RGS22: variants seen among roughly 807,000 people sequenced by gnomAD.
The protein encoded by RGS22 is regulator of G protein signaling 22, also known as regulator of G-protein signaling 22.
A neutral mutation model predicts 172.9 loss-of-function variants in RGS22; 148 were observed. That is an observed-to-expected ratio of 0.86 (90% CI 0.75 to 0.98). The LOEUF is 0.98. Among genes scored for constraint, RGS22 ranks in the 50% least tolerant of loss-of-function variants. The probability of loss-of-function intolerance (pLI) is 0.00; values close to 1 mark genes in which losing one functional copy is unlikely to be tolerated. For synonymous variants in RGS22, 458 were observed against 480.2 expected (o/e 0.95, Z 0.60); for missense variants, 1,347 against 1,440.8 (o/e 0.93, Z 1.05).
intron 15 of RGS22, 55 bp from the exon 16 acceptor site, chr8:100,006,164 A>C: frequency 1.4e-6 from 2 of 1,400,570 alleles, no homozygotes; most frequent in Non-Finnish European, 2.0e-6. Context: ...TTTGCTAGTA[A>C]CAGTGGGCTG....
intron 9 of RGS22, among the ~76,000 whole-genome samples, chr8:100,061,934 T>C (rs1810168037): frequency 6.6e-6 from 1 of 152,184 alleles, no homozygotes; most frequent in African/African-American, 2.4e-5. Context: ...AAAGAAAATG[T>C]GGTACATATA....
chr8:100,071,602 C>T, intron 5 of RGS22, 65 bp from the exon 6 acceptor site: 1 of 1,399,294 alleles, frequency 7.1e-7, no homozygotes, highest in Non-Finnish European at 9.7e-7. Flanking sequence ...AGGGAAAAAA[C>T]CTAAAATTTT....
At chr8:100,089,444 C>A (rs776834719) in intron 3 of RGS22, among the ~76,000 whole-genome samples, 8 of 152,082 alleles carry the variant, frequency 5.3e-5, no homozygotes, top group Non-Finnish European at 1.5e-5. Context: ...TCAATCAAAT[C>A]ATAAAATATT....
chr8:100,102,433 C>T (rs1399552144), intron 2 of RGS22, among the ~76,000 whole-genome samples: 1 of 152,126 alleles, frequency 6.6e-6, no homozygotes, highest in Admixed American at 6.5e-5. Context: ...CCTAAGAATA[C>T]GTAATTTATT....
Position 100,051,517 on chromosome 8 carries a change from A to T in RGS22, c.1689+1285T>A, listed in dbSNP as rs13257244. 1.1e-3 allele frequency among the ~76,000 whole-genome samples: 114 copies of T among 99,660 alleles called. 13 individuals are homozygous for T. Among genetic ancestry groups the T allele is most frequent in the East Asian group, 4.5e-3 (14 of 3,120 alleles). 65.4% of individuals were successfully genotyped at this position (99,660 alleles called of 152,430 possible). ...ATATATAATAAATATATATAAATAT[A>T]TTTTTATATATTTATACATATATAT... On this transcript the variant is annotated intron_variant, in intron 10 of 27. Transcript: ENST00000360863.
chr8:100,075,544 C>T (rs1162203023), intron 4 of RGS22, among the ~76,000 whole-genome samples: 2 of 152,160 alleles, frequency 1.3e-5, no homozygotes, highest in Non-Finnish European at 2.9e-5. Context: ...TATAGCAACA[C>T]AAATGGACTA....
In RGS22 at chr8:100,065,275, C is replaced by T. The variant is rs577156767; in HGVS notation, c.724+892G>A. Among the ~76,000 whole-genome samples, 7 of 152,306 alleles carry T rather than the reference C, an allele frequency of 4.6e-5. No homozygotes were observed. In the East Asian group the frequency reaches 7.7e-4, roughly 17 times the overall value. On this transcript the variant is annotated intron_variant, in intron 7 of 27. Coordinates refer to ENST00000360863, the MANE Select transcript of RGS22 (RefSeq NM_015668.5). The stretch of plus-strand genomic sequence containing the variant: ...TCCCATGGAACTGAAGGGAGGATGT[C>T]GCACAGAGCGAGGCAGGCATTCCAG...
intron 6 of RGS22, among the ~76,000 whole-genome samples, chr8:100,069,805 G>C (rs562944869): frequency 6.6e-6 from 1 of 152,098 alleles, no homozygotes; most frequent in South Asian, 2.1e-4. Flanking sequence ...ATTAAAGGGA[G>C]CAGAGCACCT....
intron 12 of RGS22, among the ~76,000 whole-genome samples, chr8:100,040,726 A>G (rs1350909726): frequency 6.6e-6 from 1 of 152,208 alleles, no homozygotes; most frequent in Non-Finnish European, 1.5e-5. Context: ...AGAATATGAA[A>G]GGGCATCTAC....
rs557242337 is a variant in RGS22 at position 99,993,775 on chromosome 8, G to A, written c.3018+2687C>T. 4.6e-5 allele frequency among the ~76,000 whole-genome samples: 7 copies of A among 152,180 alleles called. No individual in the cohort carries two copies. The South Asian group carries it at 6.2e-4, about 14-fold the overall frequency. ...TCCTAACTCGTTTTATGAGGCCAAC[G>A]TCATCCTGATACCAAAGCCTGGCAG... is the stretch of plus-strand genomic sequence containing the variant. On this transcript the variant is annotated intron_variant, in intron 20 of 27. Transcript: ENST00000360863.
intron 8 of RGS22, among the ~76,000 whole-genome samples, chr8:100,063,109 T>C (rs1204574230): frequency 1.3e-5 from 2 of 152,180 alleles, no homozygotes; most frequent in Non-Finnish European, 2.9e-5. Flanking sequence ...ATAAAAATTA[T>C]ACATCATTTT....
At chr8:99,988,049 A>T (rs1404685453) in intron 20 of RGS22, among the ~76,000 whole-genome samples, 1 of 151,318 alleles carries the variant, frequency 6.6e-6, no homozygotes, top group Non-Finnish European at 1.5e-5. Flanking sequence ...AAGTAGTTAA[A>T]CATTTAATAT....
At chr8:100,045,869 G>C (rs992641373) in intron 11 of RGS22, among the ~76,000 whole-genome samples, 1 of 151,524 alleles carries the variant, frequency 6.6e-6, no homozygotes, top group Non-Finnish European at 1.5e-5. Flanking sequence ...ATATATATAT[G>C]AAATAGAGCA....
At chr8:99,973,499 C>T (rs1811594293) in intron 23 of RGS22, among the ~76,000 whole-genome samples, 1 of 152,106 alleles carries the variant, frequency 6.6e-6, no homozygotes, top group Non-Finnish European at 1.5e-5. Flanking sequence ...GAACATCACA[C>T]ACCAGGGCCT....
intron 21 of RGS22, among the ~76,000 whole-genome samples, chr8:99,982,563 T>C (rs865805059): frequency 4.6e-5 from 7 of 152,262 alleles, no homozygotes; most frequent in Non-Finnish European, 7.4e-5. Context: ...GAGGTATACA[T>C]AGTATCCTAG....
chr8:100,035,541 G>A (rs1259389220), intron 14 of RGS22, among the ~76,000 whole-genome samples: 1 of 152,168 alleles, frequency 6.6e-6, no homozygotes, highest in Non-Finnish European at 1.5e-5. Flanking sequence ...CCTTGTGGGG[G>A]ACAGTGTGGC....
chr8:100,081,052 A>G (rs1032782913), intron 3 of RGS22, among the ~76,000 whole-genome samples: 2 of 152,206 alleles, frequency 1.3e-5, no homozygotes, highest in East Asian at 3.8e-4. Flanking sequence ...CGTAAGAAGT[A>G]AATGGTGAAT....
chr8:100,058,171 C>CG (rs1315463616), intron 9 of RGS22, among the ~76,000 whole-genome samples: 1 of 56,082 alleles, frequency 1.8e-5, no homozygotes, highest in East Asian at 6.1e-4. Flanking sequence ...ACAGAGGAGA[C>CG]AAAAAAAAAA....
rs755167346 is a variant in RGS22, at chr8:99,965,345, T to C, written c.3605A>G (p.Tyr1202Cys). Residue 1202 changes from tyrosine (Y) to cysteine (C), a missense_variant, in exon 24 of 28, where the codon TAT (tyrosine) becomes TGT (cysteine). Coordinates refer to ENST00000360863, the MANE Select transcript of RGS22 (RefSeq NM_015668.5). ...LSDSFLGLQP[Y>C]GRQPTWCYSK... ...ATCTTGCATGCTTACCTGTCGGCCATATGGTTGGAGGCCTAGGAAGGAATC... is the reference window on the plus strand; with the variant it reads ...ATCTTGCATGCTTACCTGTCGGCCACATGGTTGGAGGCCTAGGAAGGAATC... 4 of 1,611,554 alleles carry C rather than the reference T, an allele frequency of 2.5e-6. No homozygotes were observed. The highest frequency in any genetic ancestry group is 1.7e-5 in the Admixed American group (1 of 59,966).
Sources: allele counts gnomAD v4.1 joint callset (sites outside exome capture counted in the v4.1 genomes callset), GRCh38; gene constraint gnomAD v4.1.1; transcripts MANE v1.5; gene names NCBI Gene and HGNC (gene_info 2026-07-23, HGNC 2026-07-21).